The following SYNDIG1 variants were observed in gnomAD, a reference collection of about 807,000 sequenced individuals.
The protein encoded by SYNDIG1 is synapse differentiation-inducing gene protein 1.
In SYNDIG1, 9 loss-of-function variants were observed where a neutral mutation model predicts 19.4. That is an observed-to-expected ratio of 0.46 (90% CI 0.28 to 0.81). The LOEUF is 0.81. Ranked by LOEUF, SYNDIG1 falls within the 30% of genes least tolerant of loss-of-function variation. The probability of loss-of-function intolerance (pLI) is 0.12; values close to 1 mark genes in which losing one functional copy is unlikely to be tolerated. For synonymous variants in SYNDIG1, 141 were observed against 145.9 expected, an observed-to-expected ratio of 0.97 and a Z score of 0.24; for missense variants, 311 against 343.3, an observed-to-expected ratio of 0.91 and a Z score of 0.74.
intron 3 of SYNDIG1, among the ~76,000 whole-genome samples, chr20:24,644,172 A>T (rs1381389890): frequency 6.6e-6 from 1 of 152,196 alleles, no homozygotes; most frequent in South Asian, 2.1e-4. Flanking sequence ...TTATGAGCAA[A>T]TTGGTCTGCT....
chr20:24,662,912 C>T (rs2059616669), intron 3 of SYNDIG1, among the ~76,000 whole-genome samples: 1 of 152,236 alleles, frequency 6.6e-6, no homozygotes, highest in Non-Finnish European at 1.5e-5. Flanking sequence ...TTGCCCTGCC[C>T]TCATGCACAC....
intron 1 of SYNDIG1, among the ~76,000 whole-genome samples, chr20:24,519,786 C>A (rs2056964835): frequency 6.6e-6 from 1 of 150,872 alleles, no homozygotes; most frequent in Admixed American, 6.6e-5. Context: ...CTCCTTCTCC[C>A]TCTCTCTCTC....
chr20:24,570,433 A>G (rs1045236702), intron 2 of SYNDIG1, among the ~76,000 whole-genome samples: 1 of 152,258 alleles, frequency 6.6e-6, no homozygotes, highest in African/African-American at 2.4e-5. Flanking sequence ...ATACAGAAAA[A>G]TTATCTCTTA....
At chr20:24,517,567 C>T (rs111262681) in intron 1 of SYNDIG1, among the ~76,000 whole-genome samples, 6 of 144,798 alleles carry the variant, frequency 4.1e-5, no homozygotes, top group Non-Finnish European at 9.0e-5. Context: ...TGCAGTGAGC[C>T]GAGATCGCGC....
At chr20:24,507,854 C>T (rs1389715418) in intron 1 of SYNDIG1, among the ~76,000 whole-genome samples, 5 of 152,228 alleles carry the variant, frequency 3.3e-5, no homozygotes, top group Non-Finnish European at 7.3e-5. Context: ...TGGTCCCACT[C>T]AAGGAGCTCA....
At chr20:24,593,866 C>A (rs1218164319) in intron 3 of SYNDIG1, among the ~76,000 whole-genome samples, 1 of 151,988 alleles carries the variant, frequency 6.6e-6, no homozygotes, top group African/African-American at 2.4e-5. Flanking sequence ...GTCCTTTGCC[C>A]ACTTTTTAAT....
chr20:24,522,468 C>T (rs954756394), intron 1 of SYNDIG1, among the ~76,000 whole-genome samples: 1 of 152,090 alleles, frequency 6.6e-6, no homozygotes, highest in African/African-American at 2.4e-5. Flanking sequence ...GAGATTAGTT[C>T]ACTTAAGGTT....
At chr20:24,471,144 T>C (rs773618227) in intron 1 of SYNDIG1, among the ~76,000 whole-genome samples, 1 of 151,760 alleles carries the variant, frequency 6.6e-6, no homozygotes, top group Non-Finnish European at 1.5e-5. Context: ...GCCTGTGGGG[T>C]GAGCAGCCTC....
chr20:24,505,390 T>C (rs2056563827), intron 1 of SYNDIG1, among the ~76,000 whole-genome samples: 1 of 152,124 alleles, frequency 6.6e-6, no homozygotes, highest in South Asian at 2.1e-4. Flanking sequence ...CACTGGCGTT[T>C]AGGACCCCCT....
intron 2 of SYNDIG1, among the ~76,000 whole-genome samples, chr20:24,579,880 T>C (rs1026278981): frequency 1.3e-5 from 2 of 152,300 alleles, no homozygotes; most frequent in South Asian, 2.1e-4. Context: ...TGCTGAACAT[T>C]GTGATGTGCA....
intron 3 of SYNDIG1, among the ~76,000 whole-genome samples, chr20:24,588,888 G>C (rs778384710): frequency 8.0e-5 from 12 of 150,808 alleles, no homozygotes; most frequent in Non-Finnish European, 1.6e-4. Context: ...CAGTAGGCTG[G>C]AGCTAGCAGG....
At chr20:24,551,304 C>G (rs2057702183) in intron 2 of SYNDIG1, among the ~76,000 whole-genome samples, 1 of 152,102 alleles carries the variant, frequency 6.6e-6, no homozygotes, top group South Asian at 2.1e-4. Context: ...CCATTTAAAT[C>G]CTTTTACTTT....
At chr20:24,651,974 C>A (rs2147370568) in intron 3 of SYNDIG1, among the ~76,000 whole-genome samples, 1 of 152,298 alleles carries the variant, frequency 6.6e-6, no homozygotes, top group Admixed American at 6.5e-5. Context: ...ATCAGGTGAC[C>A]CTGTTAATGC....
Position 24,492,360 on chromosome 20 carries a change from C to T in SYNDIG1, c.-79+22607C>T, listed in dbSNP as rs995878977. On this transcript the variant is annotated intron_variant, in intron 1 of 3. Coordinates refer to ENST00000376862, the MANE Select transcript of SYNDIG1 (RefSeq NM_024893.3). ...GAGGAGGGTAGGCTCGGCCCCGCCG[C>T]CTCTGCTGTCTGGTTCGAGATCAGC... Among the ~76,000 whole-genome samples the T allele has an allele frequency of 2.0e-5, 3 of 152,328 alleles. No individual in the cohort carries two copies. In the East Asian group the frequency reaches 5.8e-4, roughly 29 times the overall value.
At chr20:24,534,180 A>C (rs533288146) in intron 1 of SYNDIG1, among the ~76,000 whole-genome samples, 1 of 152,220 alleles carries the variant, frequency 6.6e-6, no homozygotes, top group Non-Finnish European at 1.5e-5. Context: ...TCACATTTCA[A>C]CCTGAGATTT....
chr20:24,487,309 G>A (rs1568575635), intron 1 of SYNDIG1, among the ~76,000 whole-genome samples: 1 of 152,080 alleles, frequency 6.6e-6, no homozygotes, highest in Non-Finnish European at 1.5e-5. Flanking sequence ...TAAACATTTG[G>A]AGGTAGAAAA....
At chr20:24,517,035 G>T (rs6138311) in intron 1 of SYNDIG1, among the ~76,000 whole-genome samples, 1 of 152,060 alleles carries the variant, frequency 6.6e-6, no homozygotes, top group African/African-American at 2.4e-5. Context: ...ATCATTCTCA[G>T]CAAACTATCG....
chr20:24,506,781 G>A (rs868127216), intron 1 of SYNDIG1, among the ~76,000 whole-genome samples: 15 of 152,344 alleles, frequency 9.8e-5, no homozygotes, highest in African/African-American at 3.6e-4. Context: ...TGTGGTCCCA[G>A]GCAGTCCCAC....
At chr20:24,640,655 AAGG>A (rs2059367774) in intron 3 of SYNDIG1, among the ~76,000 whole-genome samples, 1 of 152,056 alleles carries the variant, frequency 6.6e-6, no homozygotes, top group Non-Finnish European at 1.5e-5. Context: ...AATTGACTGG[AAGG>A]AGGAGATTTC....
Sources: allele counts gnomAD v4.1 joint callset (sites outside exome capture counted in the v4.1 genomes callset), GRCh38; gene constraint gnomAD v4.1.1; transcripts MANE v1.5; gene names NCBI Gene and HGNC (gene_info 2026-07-23, HGNC 2026-07-21).